Variants in BEND7 observed in about 807,000 individuals in gnomAD.
BEND7 encodes the protein BEN domain-containing protein 7.
BEND7 carries 28 observed loss-of-function variants against 50.9 expected under a neutral mutation model. The observed-to-expected ratio is 0.55, with a 90% CI of 0.41 to 0.75. The LOEUF (loss-of-function observed/expected upper bound fraction) is 0.75, where lower values mean the gene tolerates loss of function less well. BEND7 is among the 30% of genes least tolerant of loss of function. The probability of loss-of-function intolerance (pLI) is 0.00; values close to 1 mark genes in which losing one functional copy is unlikely to be tolerated. For synonymous variants in BEND7, 170 were observed against 183.9 expected (o/e 0.92, Z 0.61); for missense variants, 477 against 491.3 (o/e 0.97, Z 0.28).
At chr10:13,526,368 G>C in intron 1 of BEND7, 147 bp from the exon 2 acceptor site, 1 of 253,690 alleles carries the variant, frequency 3.9e-6, no homozygotes, top group Non-Finnish European at 7.4e-6. Flanking sequence ...CACAGAATTT[G>C]TAGTCAATAA....
intron 2 of BEND7, among the ~76,000 whole-genome samples, chr10:13,524,623 A>C (rs1474727989): frequency 8.4e-5 from 12 of 142,418 alleles, no homozygotes. Context: ...CAGCCTGGAT[A>C]AAAAGAGTGA....
intron 6 of BEND7, among the ~76,000 whole-genome samples, chr10:13,471,200 CTG>C (rs955252320): frequency 6.6e-6 from 1 of 152,192 alleles, no homozygotes; most frequent in African/African-American, 2.4e-5. Flanking sequence ...TCTTACTAGA[CTG>C]TACATTTCTG....
rs879086444 is a variant in BEND7, at chr10:13,499,832, C to T, written c.394G>A (p.Gly132Ser). ...CTTTGGAAGGTTCTAGAACGGGTGCCATACTGCCCTGAGAACTGTCCACTC... is the reference window on the plus strand; with the variant it reads ...CTTTGGAAGGTTCTAGAACGGGTGCTATACTGCCCTGAGAACTGTCCACTC... Reference protein sequence around the residue: ...PQSGQFSGQYGTRSRTFQSQP... With the variant: ...PQSGQFSGQYSTRSRTFQSQP... Residue 132 changes from glycine to serine, a missense_variant, in exon 3 of 9, where the codon GGC becomes AGC. Physicochemically the swap from Gly to Ser is moderately conservative, Grantham distance 56. Coordinates refer to ENST00000466271, the MANE Select transcript of BEND7 (RefSeq NM_001369863.1). The T allele has an allele frequency of 1.2e-6, 2 of 1,614,020 alleles. No individual in the cohort carries two copies. The highest frequency in any genetic ancestry group is 1.1e-5 in the South Asian group (1 of 91,076).
chr10:13,464,086 T>G (rs957883272), intron 6 of BEND7, among the ~76,000 whole-genome samples: 3 of 152,236 alleles, frequency 2.0e-5, no homozygotes, highest in African/African-American at 7.2e-5. Context: ...GATGCATCAA[T>G]TAATCAGTTT....
chr10:13,468,924 G>A (rs1052314780), intron 6 of BEND7, among the ~76,000 whole-genome samples: 4 of 152,254 alleles, frequency 2.6e-5, no homozygotes, highest in African/African-American at 9.6e-5. Context: ...GGTAAGCAGG[G>A]CTACCGCTGA....
At position 13,459,208 on chromosome 10, in the gene BEND7, C is replaced by T. The variant is rs575049615; in HGVS notation, c.1064-6550G>A. ...TACTTTCAACCTCACAAAATAGAAG[C>T]ATGGTGGCCAACTGGGGAGAGGAAC... On this transcript the variant is annotated intron_variant, in intron 6 of 8. Coordinates refer to ENST00000466271, the MANE Select transcript of BEND7 (RefSeq NM_001369863.1). 2.6e-5 allele frequency among the ~76,000 whole-genome samples: 4 copies of T among 151,946 alleles called. No individual in the cohort carries two copies. In the East Asian group the frequency reaches 7.8e-4, roughly 30 times the overall value.
At chr10:13,450,763 G>A (rs1189811177) in intron 7 of BEND7, among the ~76,000 whole-genome samples, 1 of 152,124 alleles carries the variant, frequency 6.6e-6, no homozygotes, top group African/African-American at 2.4e-5. Flanking sequence ...AAGTGAGTGG[G>A]GACTCCTCGA....
At chr10:13,518,796 A>G (rs1307632475) in intron 2 of BEND7, among the ~76,000 whole-genome samples, 1 of 152,234 alleles carries the variant, frequency 6.6e-6, no homozygotes, top group Non-Finnish European at 1.5e-5. Flanking sequence ...AAATCTCAAT[A>G]TAGCAGTATA....
chr10:13,520,749 A>G (rs1054957054), intron 2 of BEND7, among the ~76,000 whole-genome samples: 1 of 152,222 alleles, frequency 6.6e-6, no homozygotes, highest in Non-Finnish European at 1.5e-5. Context: ...CCGACCCAAC[A>G]GCAACCTCAC....
chr10:13,441,727 G>GT lies in BEND7; in HGVS notation c.*15_*16insA. On this transcript the variant is annotated 3_prime_UTR_variant, in exon 9 of 9. Coordinates refer to ENST00000466271, the MANE Select transcript of BEND7 (RefSeq NM_001369863.1). ...ATGGTGCAAAAAACACAAGAGCTGT[G>GT]GTTTGCAGTCCTTCATCAGACCACT... 1 of 1,614,002 alleles carries GT rather than the reference G, an allele frequency of 6.2e-7. No homozygotes were observed. Among genetic ancestry groups the GT allele is most frequent in the Non-Finnish European group, 8.5e-7 (1 of 1,179,932 alleles).
At chr10:13,497,706 T>C (rs569521326) in intron 3 of BEND7, among the ~76,000 whole-genome samples, 1 of 152,340 alleles carries the variant, frequency 6.6e-6, no homozygotes, top group East Asian at 1.9e-4. Context: ...ATTTGGACAT[T>C]GCTCTTACAG....
rs1231058649 is a variant in BEND7 at position 13,528,861 on chromosome 10, T to G, written c.-328A>C. The G allele has an allele frequency of 7.2e-6, 1 of 139,642 alleles. No homozygotes were observed. The highest frequency in any genetic ancestry group is 1.6e-5 in the Non-Finnish European group (1 of 63,712). 8.7% of individuals were successfully genotyped at this position (139,642 alleles called of 1,614,324 possible). On this transcript the variant is annotated 5_prime_UTR_variant, in exon 1 of 9. Transcript: ENST00000466271. ...GACGCCGCCCGCCGCAGCCCAACTT[T>G]CCGTTGGGAGCGGGCCGGGCCGGGG...
intron 6 of BEND7, among the ~76,000 whole-genome samples, chr10:13,466,558 CAA>C (rs143207918): frequency 0.027 from 3,902 of 144,312 alleles, 148 homozygotes; most frequent in African/African-American, 0.087. Context: ...GAAACTGTCT[CAA>C]AAAAAAAAAA....
chr10:13,453,251 G>A (rs1273838433), intron 6 of BEND7, among the ~76,000 whole-genome samples: 1 of 149,018 alleles, frequency 6.7e-6, no homozygotes, highest in Non-Finnish European at 1.5e-5. Context: ...TAGGACACAA[G>A]GCAGGCGGGA....
intron 6 of BEND7, among the ~76,000 whole-genome samples, chr10:13,472,028 G>C (rs916567091): frequency 1.3e-5 from 2 of 152,038 alleles, no homozygotes; most frequent in African/African-American, 4.8e-5. Context: ...TTAGACTCGG[G>C]GTCGATACCC....
At chr10:13,457,120 T>C (rs571865878) in intron 6 of BEND7, among the ~76,000 whole-genome samples, 19 of 152,378 alleles carry the variant, frequency 1.2e-4, no homozygotes, top group Non-Finnish European at 2.6e-4. Context: ...TTAATTTCCA[T>C]AGCAACCCCT....
rs1040867035 is a variant in BEND7, at chr10:13,496,189, T to C, written c.571+577A>G. The stretch of plus-strand genomic sequence containing the variant: ...GAATTCTCCATTTACAGACGTGAAA[T>C]AGGAAGCTCAGATGCGCCACACAGC... On this transcript the variant is annotated intron_variant, in intron 4 of 8. Coordinates refer to ENST00000466271, the MANE Select transcript of BEND7 (RefSeq NM_001369863.1). 9.2e-5 allele frequency among the ~76,000 whole-genome samples: 14 copies of C among 152,170 alleles called. No individual in the cohort carries two copies. In the South Asian group the frequency reaches 1.0e-3, roughly 11 times the overall value.
chr10:13,526,391 CTT>C (rs924700814), intron 1 of BEND7, among the ~76,000 whole-genome samples, 170 bp from the exon 2 acceptor site: 3 of 152,196 alleles, frequency 2.0e-5, no homozygotes, highest in East Asian at 1.9e-4. Context: ...ATTCCTAAAA[CTT>C]TGCTTATTCT....
chr10:13,523,445 C>G (rs1589079793), intron 2 of BEND7, among the ~76,000 whole-genome samples: 2 of 152,198 alleles, frequency 1.3e-5, no homozygotes, highest in Admixed American at 6.5e-5. Flanking sequence ...TTCTAGAAGA[C>G]TCTTTTTCAC....
Sources: gnomAD v4.1 joint callset for allele counts (sites outside exome capture counted in the v4.1 genomes callset) on GRCh38, gnomAD v4.1.1 for gene constraint, MANE v1.5 for transcripts, NCBI Gene and HGNC (gene_info 2026-07-23, HGNC 2026-07-21) for gene names.